The following SDK2 variants were observed in gnomAD, a reference collection of about 807,000 sequenced individuals.
SDK2 encodes protein sidekick-2.
Under a neutral mutation model 253.9 loss-of-function variants are expected in SDK2, and 105 were observed. The ratio of observed to expected loss-of-function variants is 0.41; its 90% confidence interval spans 0.35 to 0.49. The LOEUF is 0.49. Ranked by LOEUF, SDK2 falls within the 20% of genes least tolerant of loss-of-function variation. The probability of loss-of-function intolerance (pLI) is 0.06; values close to 1 mark genes in which losing one functional copy is unlikely to be tolerated. For synonymous variants in SDK2, 1,249 were observed against 1,234.9 expected, an observed-to-expected ratio of 1.01 and a Z score of -0.24; for missense variants, 2,608 against 3,003.0, an observed-to-expected ratio of 0.87 and a Z score of 3.07.
Position 73,643,985 on chromosome 17 carries a change from C to A in SDK2, c.64+40G>T. On this transcript the variant is annotated intron_variant, in intron 1 of 44. Coordinates refer to ENST00000392650, the MANE Select transcript of SDK2 (RefSeq NM_001144952.2). The surrounding 1 kb of genome is among the most constrained non-coding windows in gnomAD (Gnocchi z 6.9). ...CGCCGCCCCTCCCCCGCCCACTCTC[C>A]CAGCCCCCTCCCTGTCCCCACGTGG... 2 of 1,450,782 alleles carry A rather than the reference C, an allele frequency of 1.4e-6. No individual in the cohort carries two copies. Among genetic ancestry groups the A allele is most frequent in the South Asian group, 2.4e-5 (2 of 81,680 alleles). 89.9% of individuals were successfully genotyped at this position (1,450,782 alleles called of 1,614,324 possible).
intron 3 of SDK2, among the ~76,000 whole-genome samples, chr17:73,461,024 C>A (rs984228442): frequency 2.0e-5 from 3 of 152,180 alleles, no homozygotes; most frequent in Admixed American, 2.0e-4. Context: ...GGGCCAGGTT[C>A]AGTCCATGTT....
Position 73,334,531 on chromosome 17 carries a change from T to A in SDK2, c.*4056A>T, listed in dbSNP as rs920851212. The A allele has an allele frequency of 6.6e-6, 1 of 152,242 alleles. No homozygotes were observed. Among genetic ancestry groups the A allele is most frequent in the Non-Finnish European group, 1.5e-5 (1 of 68,038 alleles). The allele number at this position is 152,242 out of a possible 1,614,324, so 9.4% of individuals were successfully genotyped here. ...GCTATATGACATAGAGATATATATTTTTTTCTTACAGACAGACACCTGCCA... is the reference window on the plus strand; with the variant it reads ...GCTATATGACATAGAGATATATATTATTTTCTTACAGACAGACACCTGCCA... On this transcript the variant is annotated 3_prime_UTR_variant, in exon 45 of 45. Coordinates refer to ENST00000392650, the MANE Select transcript of SDK2 (RefSeq NM_001144952.2).
rs2064194988 is a variant in SDK2, at chr17:73,534,148, C to T, written c.65-26551G>A. On this transcript the variant is annotated intron_variant, in intron 1 of 44. Transcript: ENST00000392650. This position sits in a 1 kb window ranked among gnomAD's most constrained non-coding sequence, Gnocchi z 4.9. ...CCCCTAGAAGGCCTGGGGATGTCTG[C>T]ACTTTTATTCAGCAACCACGGGACA... Among the ~76,000 whole-genome samples the T allele has an allele frequency of 2.0e-5, 3 of 152,152 alleles. No homozygotes were observed. Among genetic ancestry groups the T allele is most frequent in the Admixed American group, 2.0e-4 (3 of 15,284 alleles).
At chr17:73,412,314 T>A (rs969437399) in intron 18 of SDK2, among the ~76,000 whole-genome samples, 5 of 150,552 alleles carry the variant, frequency 3.3e-5, no homozygotes, top group African/African-American at 4.9e-5. Context: ...ATATATATAT[T>A]TTTAGTAGAG....
chr17:73,334,622 A>G lies in SDK2; in HGVS notation c.*3965T>C, dbSNP rs1156601189. ...AATCAAAAAATAAAGATTTGTGTTG[A>G]TTTTTGTTTCTGGAGTCTAGATGGA... On this transcript the variant is annotated 3_prime_UTR_variant, in exon 45 of 45. Transcript: ENST00000392650. The G allele has an allele frequency of 6.6e-6, 1 of 152,186 alleles. No homozygotes were observed. Among genetic ancestry groups the G allele is most frequent in the Non-Finnish European group, 1.5e-5 (1 of 68,030 alleles). The allele number at this position is 152,186 out of a possible 1,614,324, so 9.4% of individuals were successfully genotyped here.
chr17:73,352,520 T>C lies in SDK2; in HGVS notation c.5711A>G (p.Asn1904Ser), dbSNP rs2062547884. Residue 1904 changes from asparagine (N) to serine (S), a missense_variant, in exon 41 of 45, where the codon AAC becomes AGC. Transcript: ENST00000392650. The surrounding 1 kb of genome is among the most constrained non-coding windows in gnomAD (Gnocchi z 4.1). ...GCTGGGGGTGCCGAAACCATAGTCGTTGACCGCGATGACCCGGAAGTCATA... is the reference window on the plus strand; with the variant it reads ...GCTGGGGGTGCCGAAACCATAGTCGCTGACCGCGATGACCCGGAAGTCATA... The part of the protein sequence containing the change: ...VSYDFRVIAV[N>S]DYGFGTPSSP... 8 of 1,613,978 alleles carry C rather than the reference T, an allele frequency of 5.0e-6. No homozygotes were observed. The highest frequency in any genetic ancestry group is 6.8e-6 in the Non-Finnish European group (8 of 1,179,872).
Position 73,618,855 on chromosome 17 carries a change from T to G in SDK2, c.64+25170A>C, listed in dbSNP as rs377131007. On this transcript the variant is annotated intron_variant, in intron 1 of 44. Coordinates refer to ENST00000392650, the MANE Select transcript of SDK2 (RefSeq NM_001144952.2). This position sits in a 1 kb window ranked among gnomAD's most constrained non-coding sequence, Gnocchi z 4.1. ...ACCCACAGCTAACAACTATGAACCC[T>G]GGACAGAACACCAAAAAAGCAACTA... Among the ~76,000 whole-genome samples the G allele has an allele frequency of 6.6e-6, 1 of 151,944 alleles. No individual in the cohort carries two copies. The highest frequency in any genetic ancestry group is 1.5e-5 in the Non-Finnish European group (1 of 67,960).
At chr17:73,560,737 AC>A (rs2045220510) in intron 1 of SDK2, among the ~76,000 whole-genome samples, 1 of 152,102 alleles carries the variant, frequency 6.6e-6, no homozygotes, top group South Asian at 2.1e-4. Flanking sequence ...AAATCCAAGC[AC>A]CCGCATGTTG....
intron 4 of SDK2, among the ~76,000 whole-genome samples, chr17:73,449,342 C>T (rs1043750436): frequency 6.6e-6 from 1 of 152,174 alleles, no homozygotes; most frequent in Admixed American, 6.5e-5. Flanking sequence ...TTAACAAGGA[C>T]AAATCCAGTT....
chr17:73,503,053 TG>T (rs2063902480), intron 2 of SDK2, among the ~76,000 whole-genome samples: 1 of 152,216 alleles, frequency 6.6e-6, no homozygotes, highest in Non-Finnish European at 1.5e-5. Context: ...AAACCCACAT[TG>T]AGGGAAATTC....
intron 36 of SDK2, among the ~76,000 whole-genome samples, chr17:73,375,888 C>A (rs372091125): frequency 0.027 from 4,035 of 150,338 alleles, 83 homozygotes; most frequent in East Asian, 0.095. Context: ...ATAAAATAAA[C>A]TAAACTAAAA....
intron 27 of SDK2, among the ~76,000 whole-genome samples, chr17:73,393,040 T>C (rs1402533852): frequency 2.6e-5 from 4 of 151,074 alleles, no homozygotes; most frequent in African/African-American, 9.7e-5. Context: ...AGGTCAGGAG[T>C]TCGAGACCAG....
chr17:73,399,384 G>T, intron 21 of SDK2, 95 bp from the exon 22 acceptor site: 1 of 1,314,382 alleles, frequency 7.6e-7, no homozygotes, highest in South Asian at 1.3e-5. Context: ...TGTGTGTCAC[G>T]CTTTTCCTGG....
intron 1 of SDK2, among the ~76,000 whole-genome samples, chr17:73,628,051 C>G (rs1272105826): frequency 6.6e-6 from 1 of 152,148 alleles, no homozygotes. Context: ...GACTCCGTCT[C>G]AAAAACAAAA....
chr17:73,553,989 G>A (rs1174302831), intron 1 of SDK2, among the ~76,000 whole-genome samples: 1 of 152,188 alleles, frequency 6.6e-6, no homozygotes, highest in Non-Finnish European at 1.5e-5. Flanking sequence ...TGGAGGGAGG[G>A]TTACTAGGGG....
rs2063066494 is a variant in SDK2, at chr17:73,405,484, A to G, written c.2485-3343T>C. ...CAAAAAACCATATATATATATATAT[A>G]TATATATATATATATATATATATAT... On this transcript the variant is annotated intron_variant, in intron 18 of 44. Transcript: ENST00000392650. Among the ~76,000 whole-genome samples the G allele has an allele frequency of 9.5e-5, 8 of 84,628 alleles. 3 individuals are homozygous for G. The South Asian group carries it at 4.5e-3, about 47-fold the overall frequency. 55.5% of individuals were successfully genotyped at this position (84,628 alleles called of 152,430 possible).
intron 1 of SDK2, chr17:73,521,372 C>T (rs2145786357): frequency 6.6e-6 from 1 of 151,256 alleles, no homozygotes; most frequent in East Asian, 1.9e-4. Context: ...TTATCCCCAT[C>T]AAAAAAATAA....
At chr17:73,532,957 A>T (rs11656549) in intron 1 of SDK2, among the ~76,000 whole-genome samples, 1 of 151,992 alleles carries the variant, frequency 6.6e-6, no homozygotes, top group Admixed American at 6.5e-5. Flanking sequence ...TAATAAAGGC[A>T]TTTAATAAAG....
In SDK2 at chr17:73,431,536, C is replaced by A. The variant is rs1325947872; in HGVS notation, c.1446G>T (p.Gly482=). Residue 482 remains glycine (G), a synonymous_variant, in exon 11 of 45, where the codon GGG becomes GGT. Coordinates refer to ENST00000392650, the MANE Select transcript of SDK2 (RefSeq NM_001144952.2). This position sits in a 1 kb window ranked among gnomAD's most constrained non-coding sequence, Gnocchi z 5.6. ...TYTCLATNSR[G]VDEASADLVV... ...CTAGGTCTGCTGAGGCCTCATCGAC[C>A]CCCCGAGAGTTGGTGGCCAGGCAGG... The A allele has an allele frequency of 6.2e-7, 1 of 1,613,534 alleles. No individual in the cohort carries two copies. The highest frequency in any genetic ancestry group is 1.7e-5 in the Admixed American group (1 of 59,936).
Sources: allele counts gnomAD v4.1 joint callset (sites outside exome capture counted in the v4.1 genomes callset), GRCh38; gene constraint gnomAD v4.1.1; non-coding constraint Gnocchi (gnomAD v3.1); transcripts MANE v1.5; gene names NCBI Gene and HGNC (gene_info 2026-07-23, HGNC 2026-07-21).